Variants in ITCH observed in about 807,000 individuals in gnomAD.
ITCH encodes the protein itchy E3 ubiquitin protein ligase.
ITCH carries 28 observed loss-of-function variants against 126.8 expected under a neutral mutation model. That is an observed-to-expected ratio of 0.22 (90% CI 0.16 to 0.30). The LOEUF (loss-of-function observed/expected upper bound fraction) is 0.30, where lower values mean the gene tolerates loss of function less well. Among genes scored for constraint, ITCH ranks in the 10% least tolerant of loss-of-function variants. The probability of loss-of-function intolerance (pLI) is 1.00; values close to 1 mark genes in which losing one functional copy is unlikely to be tolerated. For synonymous variants in ITCH, 342 were observed against 340.0 expected (o/e 1.01, Z -0.06); for missense variants, 631 against 1,032.4 (o/e 0.61, Z 5.33).
In ITCH at chr20:34,380,605, CTTTTTTTTTTTTT is replaced by C. The variant is rs35848431; in HGVS notation, c.-22+11145_-22+11157del. 1.7e-4 allele frequency among the ~76,000 whole-genome samples: 12 copies of C among 69,270 alleles called. No homozygotes were observed. The East Asian group carries it at 2.5e-3, about 14-fold the overall frequency. The allele number at this position is 69,270 out of a possible 152,430, so 45.4% of individuals were successfully genotyped here. A position where few individuals can be genotyped will look rare whatever the true frequency, so the allele number is the denominator to read the frequency against. On this transcript the variant is annotated intron_variant, in intron 2 of 24. Coordinates refer to ENST00000374864, the MANE Select transcript of ITCH (RefSeq NM_031483.7). ...TGTCTTTCCATTTTCTTAATGATGTCTTTTTTTTTTTTTTTTTTTTTTGCAAAAATAGAGATGG... is the reference window on the plus strand; with the variant it reads ...TGTCTTTCCATTTTCTTAATGATGTCTTTTTTTTTGCAAAAATAGAGATGG...
At chr20:34,443,747 G>C (rs1056107762) in intron 10 of ITCH, among the ~76,000 whole-genome samples, 7 of 152,120 alleles carry the variant, frequency 4.6e-5, no homozygotes, top group African/African-American at 1.7e-4. Flanking sequence ...CACTTTGGGG[G>C]GACAAGGTAG....
intron 3 of ITCH, among the ~76,000 whole-genome samples, chr20:34,403,403 TGAGA>T: frequency 6.6e-6 from 1 of 151,820 alleles, no homozygotes; most frequent in African/African-American, 2.4e-5. Flanking sequence ...TGGGTATGTG[TGAGA>T]GAGAGAGAGC....
intron 7 of ITCH, among the ~76,000 whole-genome samples, chr20:34,436,279 A>T (rs1297810746): frequency 1.3e-5 from 2 of 152,178 alleles, no homozygotes; most frequent in Non-Finnish European, 2.9e-5. Flanking sequence ...TCAAGATAAT[A>T]CATTTTAGGA....
chr20:34,401,281 T>G (rs772571400), intron 3 of ITCH, among the ~76,000 whole-genome samples: 9 of 152,182 alleles, frequency 5.9e-5, no homozygotes, highest in Non-Finnish European at 1.3e-4. Context: ...TGTGTCTTCT[T>G]TTTTTCTTTT....
chr20:34,454,988 C>T (rs1267485049), intron 12 of ITCH, among the ~76,000 whole-genome samples: 3 of 151,882 alleles, frequency 2.0e-5, no homozygotes, highest in Non-Finnish European at 4.4e-5. Flanking sequence ...CACCACCATG[C>T]CCAGCTAATT....
At chr20:34,445,601 A>G in intron 11 of ITCH, 140 bp downstream of exon 11, 3 of 771,474 alleles carry the variant, frequency 3.9e-6, no homozygotes, top group African/African-American at 3.5e-5. Context: ...TTATTTTTAG[A>G]CCTTGTCTGG....
At chr20:34,451,051 G>T (rs1985152742) in intron 12 of ITCH, 1 of 152,200 alleles carries the variant, frequency 6.6e-6, no homozygotes, top group Non-Finnish European at 1.5e-5. Context: ...ACTTTAGGAG[G>T]CTGAGGCAGG....
At chr20:34,470,388 G>C (rs906083142) in intron 15 of ITCH, among the ~76,000 whole-genome samples, 2 of 151,480 alleles carry the variant, frequency 1.3e-5, no homozygotes, top group African/African-American at 4.9e-5. Flanking sequence ...TTCAGGACCA[G>C]TCTGGGCAAC....
intron 2 of ITCH, among the ~76,000 whole-genome samples, chr20:34,375,331 G>A (rs905384100): frequency 2.0e-5 from 3 of 149,342 alleles, no homozygotes; most frequent in African/African-American, 7.4e-5. Context: ...GTGAGCCACC[G>A]CACCTGGCCT....
At chr20:34,482,925 C>T (rs1397618134) in intron 20 of ITCH, among the ~76,000 whole-genome samples, 1 of 152,140 alleles carries the variant, frequency 6.6e-6, no homozygotes, top group African/African-American at 2.4e-5. Context: ...GGGAGGTTCC[C>T]AAGCCTCAAT....
At chr20:34,449,257 A>G (rs1217195239) in intron 11 of ITCH, among the ~76,000 whole-genome samples, 154 bp from the exon 12 acceptor site, 1 of 152,298 alleles carries the variant, frequency 6.6e-6, no homozygotes, top group African/African-American at 2.4e-5. Context: ...AAACCAAAGT[A>G]TATTGGCATT....
rs771636843 is a variant in ITCH at position 34,481,126 on chromosome 20, A to G, written c.2013A>G (p.Leu671=). The change falls in exon 20 of 25, where the codon CTA becomes CTG. Residue 671 remains leucine, a synonymous_variant. Transcript: ENST00000374864. ...EMYFSVDKEI[L]GEIKSHDLKP... ...ACTTCTCCGTTGACAAAGAAATTCT[A>G]GGTGAAATTAAGAGTCATGATCTGA... 1.2e-6 allele frequency: 2 copies of G among 1,613,318 alleles called. No individual in the cohort carries two copies. Among genetic ancestry groups the G allele is most frequent in the Admixed American group, 1.7e-5 (1 of 60,030 alleles).
intron 2 of ITCH, among the ~76,000 whole-genome samples, chr20:34,388,122 C>T (rs2038356150): frequency 6.7e-6 from 1 of 148,536 alleles, no homozygotes; most frequent in Admixed American, 6.7e-5. Context: ...TTTTGAGACA[C>T]GGTCTCACTG....
rs537583381 is a variant in ITCH at position 34,440,135 on chromosome 20, T to A, written c.680-20T>A. On this transcript the variant is annotated intron_variant, in intron 8 of 24. Transcript: ENST00000374864. ...AGAAAATGAAAGATTCTTTTCCTAT[T>A]TTCCCCAAATCTTTTATAGCATCTG... is the stretch of plus-strand genomic sequence containing the variant. 10 of 1,573,184 alleles carry A rather than the reference T, an allele frequency of 6.4e-6. No individual in the cohort carries two copies. The South Asian group carries it at 1.0e-4, about 16-fold the overall frequency.
chr20:34,403,938 G>A (rs1362341957), intron 3 of ITCH, among the ~76,000 whole-genome samples: 3 of 152,142 alleles, frequency 2.0e-5, no homozygotes, highest in African/African-American at 7.2e-5. Context: ...TTTAGTAGGA[G>A]GCTGGAAGGG....
chr20:34,374,929 T>G (rs991352201), intron 2 of ITCH, among the ~76,000 whole-genome samples: 1 of 145,396 alleles, frequency 6.9e-6, no homozygotes, highest in African/African-American at 2.6e-5. Context: ...TTAGTAGAGA[T>G]AGGGTTTCAT....
In ITCH at chr20:34,370,431, AGGTG is replaced by A. The variant is rs374490819; in HGVS notation, c.-22+964_-22+967del. Reference sequence around the variant, plus strand: ...TCCCAGCACTTTGTTTGGGAGGCCAAGGTGGGCGGATCACTTGAGGTCAGGAGTT... The same window carrying A: ...TCCCAGCACTTTGTTTGGGAGGCCAAGGCGGATCACTTGAGGTCAGGAGTT... On this transcript the variant is annotated intron_variant, in intron 2 of 24. Transcript: ENST00000374864. Among the ~76,000 whole-genome samples, 58 of 152,262 alleles carry A rather than the reference AGGTG, an allele frequency of 3.8e-4. 2 individuals are homozygous for A. In the East Asian group the frequency reaches 6.6e-3, roughly 17 times the overall value.
intron 7 of ITCH, among the ~76,000 whole-genome samples, chr20:34,436,784 T>C (rs1012913815): frequency 6.6e-6 from 1 of 152,346 alleles, no homozygotes; most frequent in South Asian, 2.1e-4. Context: ...ACACTTTGAA[T>C]AGAAAGGCCC....
chr20:34,387,473 TG>T (rs1470342022), intron 2 of ITCH, among the ~76,000 whole-genome samples: 1 of 151,894 alleles, frequency 6.6e-6, no homozygotes, highest in African/African-American at 2.4e-5. Context: ...TCTATCTCCC[TG>T]TAAAAAATTA....
Sources: gnomAD v4.1 joint callset for allele counts (sites outside exome capture counted in the v4.1 genomes callset) on GRCh38, gnomAD v4.1.1 for gene constraint, MANE v1.5 for transcripts, NCBI Gene and HGNC (gene_info 2026-07-23, HGNC 2026-07-21) for gene names.